OPA1: variants seen among roughly 807,000 people sequenced by gnomAD.
The protein encoded by OPA1 is dynamin-like GTPase OPA1, mitochondrial.
A neutral mutation model predicts 152.9 loss-of-function variants in OPA1; 59 were observed. That is an observed-to-expected ratio of 0.39 (90% CI 0.31 to 0.48). The LOEUF is 0.48. OPA1 is among the 20% of genes least tolerant of loss of function. The pLI is 0.96. For missense variants in OPA1, 1,008 were observed against 1,216.8 expected, an observed-to-expected ratio of 0.83 and a Z score of 2.55; for synonymous variants, 400 against 389.9, an observed-to-expected ratio of 1.03 and a Z score of -0.31.
chr3:193,652,731 C>T (rs1259963643), intron 21 of OPA1, among the ~76,000 whole-genome samples: 1 of 151,968 alleles, frequency 6.6e-6, no homozygotes, highest in Admixed American at 6.6e-5. Context: ...ATTACAGGAG[C>T]ACAACAGAAA....
chr3:193,690,811 A>T (rs1302356565), intron 29 of OPA1, among the ~76,000 whole-genome samples: 1 of 152,244 alleles, frequency 6.6e-6, no homozygotes. Flanking sequence ...TTTTGCCTCT[A>T]GGTCACTCAC....
chr3:193,670,816 G>A (rs1199928285), intron 29 of OPA1, among the ~76,000 whole-genome samples: 1 of 152,168 alleles, frequency 6.6e-6, no homozygotes, highest in East Asian at 1.9e-4. Flanking sequence ...ACATGATTTT[G>A]TCTCAGGAGA....
chr3:193,658,760 A>T, intron 23 of OPA1, 127 bp from the exon 24 acceptor site: 1 of 690,734 alleles, frequency 1.4e-6, no homozygotes. Context: ...TATAGGAAGG[A>T]TATATTTTTA....
chr3:193,628,030 T>A (rs1302533994), intron 7 of OPA1, among the ~76,000 whole-genome samples: 1 of 152,124 alleles, frequency 6.6e-6, no homozygotes, highest in Non-Finnish European at 1.5e-5. Flanking sequence ...GACTGTTACC[T>A]TACAATATCC....
chr3:193,670,979 A>G (rs1054547511), intron 29 of OPA1, among the ~76,000 whole-genome samples: 14 of 152,134 alleles, frequency 9.2e-5, no homozygotes, highest in Admixed American at 3.9e-4. Context: ...GGAGGCTCCA[A>G]CTGGCCAGGC....
chr3:193,686,820 T>C (rs1432275707), intron 29 of OPA1, among the ~76,000 whole-genome samples: 3 of 152,340 alleles, frequency 2.0e-5, no homozygotes, highest in Non-Finnish European at 4.4e-5. Flanking sequence ...CACCAAGTGC[T>C]CAGGCAGCAT....
chr3:193,676,842 G>A (rs549880940), intron 29 of OPA1, among the ~76,000 whole-genome samples: 19 of 152,148 alleles, frequency 1.2e-4, no homozygotes, highest in South Asian at 6.2e-4. Flanking sequence ...TTAGCCAGGC[G>A]TGGTGGCGGG....
chr3:193,643,668 C>G, intron 15 of OPA1, 41 bp downstream of exon 15: 5 of 1,502,928 alleles, frequency 3.3e-6, no homozygotes, highest in Non-Finnish European at 4.6e-6. Context: ...GATATGTTTT[C>G]TTCTTTAGCA....
intron 1 of OPA1, among the ~76,000 whole-genome samples, chr3:193,598,461 T>A (rs1398352322): frequency 6.6e-6 from 1 of 152,118 alleles, no homozygotes; most frequent in East Asian, 1.9e-4. Context: ...GAGGGCCCTG[T>A]TGAGATGTGC....
intron 29 of OPA1, among the ~76,000 whole-genome samples, chr3:193,683,113 A>G (rs1399905181): frequency 1.3e-5 from 2 of 152,168 alleles, no homozygotes; most frequent in African/African-American, 4.8e-5. Flanking sequence ...TCCAACCCTC[A>G]TGGATGACTT....
Position 193,618,876 on chromosome 3 carries a change from G to A in OPA1, c.618G>A (p.Pro206=), listed in dbSNP as rs775620290. 16 of 1,613,166 alleles carry A rather than the reference G, an allele frequency of 9.9e-6. No individual in the cohort carries two copies. Among genetic ancestry groups the A allele is most frequent in the African/African-American group, 8.0e-5 (6 of 74,906 alleles). The change falls in exon 6 of 31, where the codon CCG becomes CCA. Residue 206 remains proline, a synonymous_variant. Transcript: ENST00000361510. ...TGCATATTTATCTTTAAGGTTCTCC[G>A]GAAGAAACGGCGTTTAGAGCAACAG... ...ASDLLLLLGS[P]EETAFRATDR...
intron 29 of OPA1, among the ~76,000 whole-genome samples, chr3:193,669,384 C>T (rs967678335): frequency 6.6e-6 from 1 of 152,166 alleles, no homozygotes; most frequent in Non-Finnish European, 1.5e-5. Context: ...CTCATGCCAC[C>T]TTGGCAATGT....
chr3:193,631,440 A>G (rs1732053653), intron 7 of OPA1, among the ~76,000 whole-genome samples, 172 bp from the exon 8 acceptor site: 1 of 152,162 alleles, frequency 6.6e-6, no homozygotes, highest in Admixed American at 6.5e-5. Context: ...ATTTTTATTG[A>G]TAAATACAGG....
chr3:193,633,401 T>C (rs1413353344), intron 8 of OPA1, among the ~76,000 whole-genome samples: 1 of 152,218 alleles, frequency 6.6e-6, no homozygotes, highest in Non-Finnish European at 1.5e-5. Context: ...TACCAAAATG[T>C]TTCCATCCCC....
chr3:193,657,612 C>T (rs191004975), intron 23 of OPA1, among the ~76,000 whole-genome samples: 3 of 152,264 alleles, frequency 2.0e-5, no homozygotes, highest in African/African-American at 7.2e-5. Flanking sequence ...AAATGTTAGA[C>T]GCCTAAAATC....
intron 30 of OPA1, 44 bp downstream of exon 30, chr3:193,692,176 A>G (rs759272343): frequency 2.1e-5 from 21 of 990,696 alleles, no homozygotes; most frequent in South Asian, 1.9e-4. Context: ...ACTAAATACA[A>G]AATTACACTT....
chr3:193,643,516 T>C lies in OPA1; in HGVS notation c.1378-12T>C, dbSNP rs1734094550. ...AGCATTTATAATGACATTTAAAACC[T>C]TTTTCTTTAAGACTGTGACATCAGG... On this transcript the variant is annotated splice_polypyrimidine_tract_variant and intron_variant, in intron 14 of 30. Coordinates refer to ENST00000361510, the MANE Select transcript of OPA1 (RefSeq NM_130837.3). 1.2e-6 allele frequency: 2 copies of C among 1,612,194 alleles called. No individual in the cohort carries two copies. The highest frequency in any genetic ancestry group is 2.7e-5 in the African/African-American group (2 of 74,880).
chr3:193,618,215 A>C (rs1209158392), intron 5 of OPA1, among the ~76,000 whole-genome samples: 1 of 152,196 alleles, frequency 6.6e-6, no homozygotes. Context: ...GCGGTGGCTC[A>C]TGCCTGTAAT....
At position 193,667,222 on chromosome 3, in the gene OPA1, T is replaced by C. The variant is rs1299149287; in HGVS notation, c.2925T>C (p.Asp975=). The change falls in exon 29 of 31, where the codon GAT becomes GAC. Residue 975 remains aspartate, a synonymous_variant. Coordinates refer to ENST00000361510, the MANE Select transcript of OPA1 (RefSeq NM_130837.3). ...VKEVLEDFAE[D]GEKKIKLLTG... ...AGGTATTGGAAGATTTTGCTGAAGATGGTGAGAAGAAGATTAAATTGCTTA... is the reference window on the plus strand; with the variant it reads ...AGGTATTGGAAGATTTTGCTGAAGACGGTGAGAAGAAGATTAAATTGCTTA... 1 of 1,609,980 alleles carries C rather than the reference T, an allele frequency of 6.2e-7. No individual in the cohort carries two copies. The highest frequency in any genetic ancestry group is 1.1e-5 in the South Asian group (1 of 90,992).
Sources: gnomAD v4.1 joint callset for allele counts (sites outside exome capture counted in the v4.1 genomes callset) on GRCh38, gnomAD v4.1.1 for gene constraint, MANE v1.5 for transcripts, NCBI Gene and HGNC (gene_info 2026-07-23, HGNC 2026-07-21) for gene names.